WFDC1: variants seen among roughly 807,000 people sequenced by gnomAD.
WFDC1 encodes WAP four-disulfide core domain protein 1.
WFDC1 carries 39 observed loss-of-function variants against 32.9 expected under a neutral mutation model. That is an observed-to-expected ratio of 1.19 (90% CI 0.92 to 1.55). The LOEUF is 1.55. Among genes scored for constraint, WFDC1 ranks in the 40% most tolerant of loss-of-function variants. The pLI is 0.00. For synonymous variants in WFDC1, 184 were observed against 137.4 expected (o/e 1.34, Z -2.37); for missense variants, 386 against 309.5 (o/e 1.25, Z -1.85).
At chr16:84,306,141 A>G (rs1231521885) in intron 1 of WFDC1, among the ~76,000 whole-genome samples, 2 of 152,158 alleles carry the variant, frequency 1.3e-5, no homozygotes, top group South Asian at 2.1e-4. Context: ...CACCACAGAC[A>G]TCGGCAGCAG....
chr16:84,301,988 C>T (rs943502242), intron 1 of WFDC1, among the ~76,000 whole-genome samples: 8 of 152,190 alleles, frequency 5.3e-5, no homozygotes, highest in Admixed American at 1.3e-4. Flanking sequence ...CAGATGGATG[C>T]CCATGGGGTG....
chr16:84,314,814 C>G (rs1306076361), intron 2 of WFDC1, among the ~76,000 whole-genome samples: 1 of 152,226 alleles, frequency 6.6e-6, no homozygotes, highest in African/African-American at 2.4e-5. Context: ...AATGGTGCCC[C>G]TTCCTCTGGA....
At chr16:84,309,377 G>A (rs530820887) in intron 1 of WFDC1, among the ~76,000 whole-genome samples, 1 of 152,276 alleles carries the variant, frequency 6.6e-6, no homozygotes, top group East Asian at 1.9e-4. Context: ...GAGCACAGAG[G>A]TGACCAAATC....
chr16:84,318,135 G>A lies in WFDC1; in HGVS notation c.338-137G>A, dbSNP rs183830530. Reference sequence around the variant, plus strand: ...TCTATCACTAAAAGCAAAGGGTGAAGGTGTGCCAGGAACCATAGTTATTTC... The same window carrying A: ...TCTATCACTAAAAGCAAAGGGTGAAAGTGTGCCAGGAACCATAGTTATTTC... On this transcript the variant is annotated intron_variant, in intron 2 of 6. Transcript: ENST00000219454. 235 of 754,634 alleles carry A rather than the reference G, an allele frequency of 3.1e-4. 3 individuals carry two copies. In the Middle Eastern group the frequency reaches 3.4e-3, roughly 11 times the overall value. 46.7% of individuals were successfully genotyped at this position (754,634 alleles called of 1,614,324 possible).
At chr16:84,311,653 C>G (rs1308253540) in intron 1 of WFDC1, among the ~76,000 whole-genome samples, 2 of 146,868 alleles carry the variant, frequency 1.4e-5, no homozygotes, top group African/African-American at 2.5e-5. Flanking sequence ...CTCAGCCTCC[C>G]AAGTACCTGG....
intron 5 of WFDC1, among the ~76,000 whole-genome samples, chr16:84,325,087 T>C (rs1908513114): frequency 6.6e-6 from 1 of 151,802 alleles, no homozygotes; most frequent in South Asian, 2.1e-4. Flanking sequence ...CTTTATTCCT[T>C]CATCCCTCCA....
chr16:84,311,450 G>A (rs952229341), intron 1 of WFDC1, among the ~76,000 whole-genome samples: 12 of 144,218 alleles, frequency 8.3e-5, no homozygotes, highest in African/African-American at 1.3e-4. Flanking sequence ...GGATGGTCTC[G>A]ATCTCCTGAC....
intron 1 of WFDC1, among the ~76,000 whole-genome samples, chr16:84,303,504 CAG>C (rs1862352825): frequency 6.6e-6 from 1 of 151,144 alleles, no homozygotes; most frequent in Non-Finnish European, 1.5e-5. Flanking sequence ...TCAGGCAACA[CAG>C]AAAGTTATAA....
Position 84,297,933 on chromosome 16 carries a change from TC to T in WFDC1, c.144+2821del, listed in dbSNP as rs1258835622. ...TCGAGACTTCCCCGTGAGGCACCAC[TC>T]CCTCACCCTACGCTGAGTGAGACCT... is the stretch of plus-strand genomic sequence containing the variant. On this transcript the variant is annotated intron_variant, in intron 1 of 6. Coordinates refer to ENST00000219454, the MANE Select transcript of WFDC1 (RefSeq NM_021197.4). Among the ~76,000 whole-genome samples the T allele has an allele frequency of 1.6e-4, 25 of 152,080 alleles. No individual in the cohort carries two copies. The East Asian group carries it at 4.5e-3, about 27-fold the overall frequency.
intron 2 of WFDC1, chr16:84,317,293 A>AAAATAAATAAAT (rs57299684): frequency 5.6e-5 from 8 of 143,980 alleles, no homozygotes; most frequent in African/African-American, 2.1e-4. Flanking sequence ...ACTCTGTCTC[A>AAAATAAATAAAT]AAATAAATAA....
chr16:84,300,572 G>A (rs1393891385), intron 1 of WFDC1, among the ~76,000 whole-genome samples: 1 of 152,214 alleles, frequency 6.6e-6, no homozygotes, highest in Non-Finnish European at 1.5e-5. Context: ...TTGTGAATGT[G>A]ACCTTTTTTG....
At chr16:84,311,384 A>ATTTT (rs747950638) in intron 1 of WFDC1, among the ~76,000 whole-genome samples, 31 of 118,334 alleles carry the variant, frequency 2.6e-4, no homozygotes, top group East Asian at 1.2e-3. Context: ...CGCCCGGCTA[A>ATTTT]TTTTTTTTCT....
chr16:84,327,256 T>A, intron 6 of WFDC1: 4 of 333,734 alleles, frequency 1.2e-5, no homozygotes, highest in Non-Finnish European at 2.3e-5. Flanking sequence ...ACTGGCACAA[T>A]CATTGTTCAC....
At chr16:84,308,158 C>A (rs1281591307) in intron 1 of WFDC1, among the ~76,000 whole-genome samples, 3 of 152,028 alleles carry the variant, frequency 2.0e-5, no homozygotes, top group Non-Finnish European at 4.4e-5. Flanking sequence ...TGCCGCACCA[C>A]CCCCCGCTCC....
chr16:84,313,287 C>A, intron 2 of WFDC1, 134 bp downstream of exon 2: 1 of 773,206 alleles, frequency 1.3e-6, no homozygotes, highest in Non-Finnish European at 1.8e-6. Flanking sequence ...CACTGCGCAC[C>A]TGTGAACTGG....
chr16:84,318,064 C>G (rs1474354874), intron 2 of WFDC1: 7 of 540,716 alleles, frequency 1.3e-5, no homozygotes, highest in Non-Finnish European at 1.7e-5. Flanking sequence ...GCAGGGAAGG[C>G]TAGTCCCCAG....
At chr16:84,296,271 T>C (rs113186787) in intron 1 of WFDC1, among the ~76,000 whole-genome samples, 5 of 152,198 alleles carry the variant, frequency 3.3e-5, no homozygotes, top group Admixed American at 1.3e-4. Context: ...AATCAAATAA[T>C]TGTGACTTTG....
intron 1 of WFDC1, among the ~76,000 whole-genome samples, chr16:84,309,203 A>T (rs1233447997): frequency 6.6e-6 from 1 of 152,110 alleles, no homozygotes; most frequent in African/African-American, 2.4e-5. Flanking sequence ...GTTTGCTGGC[A>T]TGTAAGGACA....
chr16:84,322,156 T>TGCGC (rs776999379), intron 4 of WFDC1, among the ~76,000 whole-genome samples: 1 of 98,976 alleles, frequency 1.0e-5, no homozygotes. Context: ...TGTGTGTGTG[T>TGCGC]GTGCGTGTGT....
Sources: gnomAD v4.1 joint callset for allele counts (sites outside exome capture counted in the v4.1 genomes callset) on GRCh38, gnomAD v4.1.1 for gene constraint, MANE v1.5 for transcripts, NCBI Gene and HGNC (gene_info 2026-07-23, HGNC 2026-07-21) for gene names.